PTPRT: variants seen among roughly 807,000 people sequenced by gnomAD.
PTPRT encodes protein tyrosine phosphatase receptor type T, also known as receptor-type tyrosine-protein phosphatase T.
PTPRT carries 56 observed loss-of-function variants against 176.8 expected under a neutral mutation model. The observed-to-expected ratio is 0.32, with a 90% confidence interval of 0.26 to 0.40. The LOEUF (loss-of-function observed/expected upper bound fraction) is 0.40. PTPRT is among the 10% of genes least tolerant of loss of function. The pLI, the probability that PTPRT is intolerant of heterozygous loss-of-function variation, is 1.00. For synonymous variants in PTPRT, 783 were observed against 739.0 expected (o/e 1.06, Z -0.96); for missense variants, 1,540 against 1,908.2 (o/e 0.81, Z 3.60).
intron 2 of PTPRT, among the ~76,000 whole-genome samples, chr20:42,839,888 G>T (rs1436744268): frequency 1.3e-5 from 2 of 152,176 alleles, no homozygotes; most frequent in African/African-American, 4.8e-5. Flanking sequence ...TTAGACTGGG[G>T]TGTAGCCAGG....
At chr20:43,006,237 G>A (rs1451586222) in intron 1 of PTPRT, among the ~76,000 whole-genome samples, 1 of 152,110 alleles carries the variant, frequency 6.6e-6, no homozygotes, top group Non-Finnish European at 1.5e-5. Context: ...ATTAATAAAA[G>A]AGGTCACTCC....
At chr20:42,294,854 A>G (rs970734034) in intron 12 of PTPRT, among the ~76,000 whole-genome samples, 1 of 152,128 alleles carries the variant, frequency 6.6e-6, no homozygotes, top group Non-Finnish European at 1.5e-5. Context: ...CTCAGAAATG[A>G]AGATTAAATT....
intron 15 of PTPRT, among the ~76,000 whole-genome samples, chr20:42,215,136 T>A (rs1353750233): frequency 6.6e-6 from 1 of 152,174 alleles, no homozygotes; most frequent in Admixed American, 6.5e-5. Flanking sequence ...GTGACCAGAA[T>A]TCATGGTTCA....
chr20:42,983,311 G>T (rs1240571140), intron 1 of PTPRT, among the ~76,000 whole-genome samples: 3 of 152,190 alleles, frequency 2.0e-5, no homozygotes, highest in Non-Finnish European at 4.4e-5. Flanking sequence ...ATGAAAATGA[G>T]TTGAGAAGGG....
At chr20:42,405,791 T>C (rs899770702) in intron 9 of PTPRT, among the ~76,000 whole-genome samples, 1 of 152,218 alleles carries the variant, frequency 6.6e-6, no homozygotes, top group Admixed American at 6.5e-5. Context: ...ATGGTTGAAC[T>C]AGTTTACAGT....
At chr20:42,376,139 G>T (rs887405295) in intron 9 of PTPRT, among the ~76,000 whole-genome samples, 15 of 152,172 alleles carry the variant, frequency 9.9e-5, no homozygotes, top group African/African-American at 3.4e-4. Context: ...GTGATGAACG[G>T]GACTAAAAAG....
At chr20:43,187,121 A>G (rs2015413401) in intron 1 of PTPRT, among the ~76,000 whole-genome samples, 1 of 152,212 alleles carries the variant, frequency 6.6e-6, no homozygotes, top group African/African-American at 2.4e-5. Context: ...CCTTTTGATG[A>G]CAAGCTTCCG....
intron 19 of PTPRT, among the ~76,000 whole-genome samples, chr20:42,125,824 G>A (rs1398883652): frequency 6.6e-6 from 1 of 152,134 alleles, no homozygotes; most frequent in East Asian, 1.9e-4. Flanking sequence ...AATGACTTTT[G>A]TTGGGGGATT....
chr20:42,849,450 G>A (rs1021691646), intron 2 of PTPRT, among the ~76,000 whole-genome samples: 8 of 152,168 alleles, frequency 5.3e-5, no homozygotes, highest in Admixed American at 2.6e-4. Context: ...TGGGGAAAGT[G>A]GAAACAGATC....
intron 1 of PTPRT, among the ~76,000 whole-genome samples, chr20:43,033,111 A>C (rs1986216019): frequency 1.3e-5 from 2 of 152,182 alleles, no homozygotes; most frequent in African/African-American, 4.8e-5. Context: ...ACTTTTTTGG[A>C]TACATCTTTT....
In PTPRT at chr20:42,400,683, C is replaced by T. The variant is rs979954595; in HGVS notation, c.1560+47537G>A. Among the ~76,000 whole-genome samples, 4 of 151,964 alleles carry T rather than the reference C, an allele frequency of 2.6e-5. 1 individual carries two copies. The highest frequency in any genetic ancestry group is 5.9e-5 in the Non-Finnish European group (4 of 68,008). On this transcript the variant is annotated intron_variant, in intron 9 of 30. Transcript: ENST00000373187. ...AAGCTCATGGTGTATTGAGGGAATACCAAGCACGCTTGCATGTTCAGGAAA... is the reference window on the plus strand; with the variant it reads ...AAGCTCATGGTGTATTGAGGGAATATCAAGCACGCTTGCATGTTCAGGAAA...
At chr20:42,440,922 GATGGGATGAAGCCCATCAT>G (rs1388164344) in intron 9 of PTPRT, among the ~76,000 whole-genome samples, 2 of 152,180 alleles carry the variant, frequency 1.3e-5, no homozygotes, top group Admixed American at 6.5e-5. Flanking sequence ...ACCTTCAGCT[GATGGGATGAAGCCCATCAT>G]ATGGGATGAA....
At chr20:42,047,176 G>A in the PTPRT span, among the ~76,000 whole-genome samples, 1 of 152,214 alleles carries the variant, frequency 6.6e-6, no homozygotes, top group Non-Finnish European at 1.5e-5. Flanking sequence ...CAGACCAGAA[G>A]TGGGACAAGA....
chr20:43,021,031 T>G (rs568770461), intron 1 of PTPRT, among the ~76,000 whole-genome samples: 11 of 152,260 alleles, frequency 7.2e-5, no homozygotes, highest in African/African-American at 2.4e-4. Context: ...TCAAAGATAC[T>G]ACACAGAAAC....
chr20:43,036,648 G>A (rs1286984338), intron 1 of PTPRT, among the ~76,000 whole-genome samples: 1 of 152,022 alleles, frequency 6.6e-6, no homozygotes, highest in African/African-American at 2.4e-5. Context: ...GCTATGAAAG[G>A]TTAGATATTT....
intron 5 of PTPRT, among the ~76,000 whole-genome samples, chr20:42,769,568 T>C (rs1484743560): frequency 6.6e-6 from 1 of 152,200 alleles, no homozygotes; most frequent in Non-Finnish European, 1.5e-5. Context: ...CTCGTTGTTC[T>C]TTAAAGTTAA....
chr20:42,987,740 C>G (rs1983681626), intron 1 of PTPRT, among the ~76,000 whole-genome samples: 2 of 152,154 alleles, frequency 1.3e-5, no homozygotes, highest in Non-Finnish European at 2.9e-5. Context: ...ACCCCCACAC[C>G]AAAATTCACC....
At chr20:43,068,745 A>G (rs951728850) in intron 1 of PTPRT, among the ~76,000 whole-genome samples, 3 of 152,180 alleles carry the variant, frequency 2.0e-5, no homozygotes, top group Non-Finnish European at 4.4e-5. Context: ...CAATAACTAC[A>G]GGGCAGTCGG....
chr20:42,500,289 A>G (rs2071729143), intron 7 of PTPRT, among the ~76,000 whole-genome samples: 1 of 152,084 alleles, frequency 6.6e-6, no homozygotes, highest in South Asian at 2.1e-4. Context: ...AGATGTTACC[A>G]GAATCACATA....
Sources: allele counts gnomAD v4.1 joint callset (sites outside exome capture counted in the v4.1 genomes callset), GRCh38; gene constraint gnomAD v4.1.1; transcripts MANE v1.5; gene names NCBI Gene and HGNC (gene_info 2026-07-23, HGNC 2026-07-21).